Variants in PRPF8 observed in about 807,000 individuals in gnomAD.
The protein encoded by PRPF8 is pre-mRNA-processing-splicing factor 8.
Under a neutral mutation model 285.9 loss-of-function variants are expected in PRPF8, and 64 were observed. That is an observed-to-expected ratio of 0.22 (90% CI 0.18 to 0.28). PRPF8 has a LOEUF of 0.28. Among genes scored for constraint, PRPF8 ranks in the 10% least tolerant of loss-of-function variants. PRPF8 has a pLI of 1.00. For synonymous variants in PRPF8, 1,325 were observed against 1,118.2 expected (o/e 1.18, Z -3.69); for missense variants, 1,426 against 3,026.7 (o/e 0.47, Z 12.41).
rs56933295 is a variant in PRPF8 at position 1,657,296 on chromosome 17, T to C, written c.5506-535A>G. On this transcript the variant is annotated intron_variant, in intron 34 of 42. Transcript: ENST00000304992. ...GTCTAGGAAGCTAAAGAAGAGTTAA[T>C]TCAGCAAGAGTTGTGAGGTAGAGAA... Among the ~76,000 whole-genome samples the C allele has an allele frequency of 8.7e-3, 1,322 of 152,302 alleles. 12 individuals carry two copies. Among genetic ancestry groups the C allele is most frequent in the African/African-American group, 0.03 (1,253 of 41,560 alleles).
At chr17:1,680,120 C>A (rs140961304) in intron 8 of PRPF8, among the ~76,000 whole-genome samples, 2 of 152,114 alleles carry the variant, frequency 1.3e-5, no homozygotes, top group Non-Finnish European at 1.5e-5. Flanking sequence ...TTGGACACAA[C>A]GGAACACAGA....
At chr17:1,680,860 T>A (rs1281919874) in intron 7 of PRPF8, 29 bp from the exon 8 acceptor site, 1 of 1,614,012 alleles carries the variant, frequency 6.2e-7, no homozygotes, top group South Asian at 1.1e-5. Flanking sequence ...TCAGCCAAAG[T>A]TTTCCCGCCC....
chr17:1,661,560 A>C lies in PRPF8; in HGVS notation c.4202+51T>G, dbSNP rs750536624. ...TGACCCTGAACTCCACACGGTTCAA[A>C]GGCCACCACTGCCCCTGCCCCAGGG... On this transcript the variant is annotated intron_variant, in intron 26 of 42. Transcript: ENST00000304992. The surrounding 1 kb of genome is among the most constrained non-coding windows in gnomAD (Gnocchi z 7.3). 7 of 1,611,462 alleles carry C rather than the reference A, an allele frequency of 4.3e-6. No homozygotes were observed. Among genetic ancestry groups the C allele is most frequent in the African/African-American group, 1.3e-5 (1 of 75,010 alleles).
chr17:1,657,407 A>G (rs1024045908), intron 34 of PRPF8, among the ~76,000 whole-genome samples: 1 of 152,180 alleles, frequency 6.6e-6, no homozygotes, highest in African/African-American at 2.4e-5. Context: ...GCACTTTGAG[A>G]GGCCAAGGCG....
At position 1,659,007 on chromosome 17, in the gene PRPF8, A is replaced by ATTAT. The variant is rs1035815902; in HGVS notation, c.5139-248_5139-245dup. ...TATGGAGCTAATGGAAAATACACGG[A>ATTAT]TTATTTATTTATTTATTATTATTAT... On this transcript the variant is annotated intron_variant, in intron 32 of 42. Transcript: ENST00000304992. The surrounding 1 kb of genome is among the most constrained non-coding windows in gnomAD (Gnocchi z 5.1). The ATTAT allele has an allele frequency of 6.7e-6, 4 of 594,380 alleles. No individual in the cohort carries two copies. Among genetic ancestry groups the ATTAT allele is most frequent in the African/African-American group, 1.9e-5 (1 of 53,590 alleles). The allele number at this position is 594,380 out of a possible 1,614,324, so 36.8% of individuals were successfully genotyped here. A position where few individuals can be genotyped will look rare whatever the true frequency, so the allele number is the denominator to read the frequency against.
Position 1,684,595 on chromosome 17 carries a change from G to A in PRPF8, c.-11-13C>T, listed in dbSNP as rs1913136765. 6.2e-7 allele frequency: 1 copy of A among 1,611,036 alleles called. No individual in the cohort carries two copies. Among genetic ancestry groups the A allele is most frequent in the Non-Finnish European group, 8.5e-7 (1 of 1,178,998 alleles). On this transcript the variant is annotated splice_polypyrimidine_tract_variant and intron_variant, in intron 1 of 42. Transcript: ENST00000304992. ...ATATCCGGAGAATCTGGGGAGCGGC[G>A]GGATAGAAAAATTCACTAACCACAG... is the stretch of plus-strand genomic sequence containing the variant.
Position 1,675,750 on chromosome 17 carries a change from C to T in PRPF8, c.2742G>A (p.Leu914=). 6.2e-7 allele frequency: 1 copy of T among 1,614,122 alleles called. No individual in the cohort carries two copies. Among genetic ancestry groups the T allele is most frequent in the African/African-American group, 1.3e-5 (1 of 75,024 alleles). Residue 914 remains leucine, a synonymous_variant, in exon 19 of 43, where the codon CTG becomes CTA. Transcript: ENST00000304992. This position sits in a 1 kb window ranked among gnomAD's most constrained non-coding sequence, Gnocchi z 6.0. ...HLVPVYDVEP[L]EKITDAYLDQ... ...CCAGGTAAGCATCAGTTATCTTCTC[C>T]AGGGGCTCAACATCATATACTGGAA...
In PRPF8 at chr17:1,653,908, C is replaced by G; in HGVS notation, c.6096G>C (p.Gln2032His). Residue 2032 changes from glutamine (Q) to histidine (H), a missense_variant, in exon 38 of 43, where the codon CAG (glutamine) becomes CAC (histidine). By Grantham distance (24) the Gln-to-His change is conservative. This residue lies in a region of PRPF8 where 160 missense variants were observed against 373.7 expected (regional missense o/e 0.43). Coordinates refer to ENST00000304992, the MANE Select transcript of PRPF8 (RefSeq NM_006445.4). The surrounding 1 kb of genome is among the most constrained non-coding windows in gnomAD (Gnocchi z 4.9). ...QRQQIAEIEK[Q>H]TKEQSQLTAT... ...CCGTCAGCTGCGATTGTTCCTTGGT[C>G]TGCTTCTCGATCTCAGCGATCTGCT... The G allele has an allele frequency of 6.2e-7, 1 of 1,614,168 alleles. No homozygotes were observed. The highest frequency in any genetic ancestry group is 8.5e-7 in the Non-Finnish European group (1 of 1,180,038).
At position 1,675,401 on chromosome 17, in the gene PRPF8, A is replaced by G; in HGVS notation, c.2873-62T>C. The G allele has an allele frequency of 3.2e-6, 5 of 1,576,254 alleles. No individual in the cohort carries two copies. Among genetic ancestry groups the G allele is most frequent in the Non-Finnish European group, 4.4e-6 (5 of 1,147,362 alleles). ...AATCCTCTTGCAAGACTAGCCCCACAGGAACTATCATTACCTTCCATAACC... is the reference window on the plus strand; with the variant it reads ...AATCCTCTTGCAAGACTAGCCCCACGGGAACTATCATTACCTTCCATAACC... On this transcript the variant is annotated intron_variant, in intron 19 of 42. Coordinates refer to ENST00000304992, the MANE Select transcript of PRPF8 (RefSeq NM_006445.4). The surrounding 1 kb of genome is among the most constrained non-coding windows in gnomAD (Gnocchi z 6.0).
intron 36 of PRPF8, 24 bp from the exon 37 acceptor site, chr17:1,655,567 G>C: frequency 6.3e-7 from 1 of 1,578,384 alleles, no homozygotes; most frequent in South Asian, 1.1e-5. Flanking sequence ...TGGAAGAGTG[G>C]GGTAGGTCAG....
chr17:1,682,315 A>C (rs193032459), intron 3 of PRPF8, 22 bp from the exon 4 acceptor site: 30 of 1,612,948 alleles, frequency 1.9e-5, no homozygotes, highest in Admixed American at 1.0e-4. Flanking sequence ...GAAAAAGAGA[A>C]GGCTATCAGA....
rs766894608 is a variant in PRPF8 at position 1,650,777 on chromosome 17, G to A, written c.*25C>T. On this transcript the variant is annotated 3_prime_UTR_variant, in exon 43 of 43. Transcript: ENST00000304992. ...GGGGCTGAGGCTTCGGCCTCGGGAG[G>A]CTGAAGCAGGAGGCAGGGAAACGGT... is the stretch of plus-strand genomic sequence containing the variant. 3 of 1,613,196 alleles carry A rather than the reference G, an allele frequency of 1.9e-6. No homozygotes were observed. In the South Asian group the frequency reaches 3.3e-5, roughly 18 times the overall value.
Position 1,676,883 on chromosome 17 carries a change from T to C in PRPF8, c.2181+93A>G, listed in dbSNP as rs989905114. 27 of 1,527,794 alleles carry C rather than the reference T, an allele frequency of 1.8e-5. No individual in the cohort carries two copies. The highest frequency in any genetic ancestry group is 5.1e-5 in the Admixed American group (3 of 59,322). The allele number at this position is 1,527,794 out of a possible 1,614,324, so 94.6% of individuals were successfully genotyped here. ...TGTCTAAAAGGGAAAAGAAAAGAGA[T>C]TGGAGCCAGATAGCCCCCTAATGAT... On this transcript the variant is annotated intron_variant, in intron 15 of 42. Transcript: ENST00000304992. The surrounding 1 kb of genome is among the most constrained non-coding windows in gnomAD (Gnocchi z 6.3).
chr17:1,656,035 C>T, intron 36 of PRPF8, among the ~76,000 whole-genome samples: 1 of 151,514 alleles, frequency 6.6e-6, no homozygotes, highest in Non-Finnish European at 1.5e-5. Flanking sequence ...ATTCTGGTGC[C>T]TCAGCCTCCC....
chr17:1,656,262 T>C (rs1911380565), intron 36 of PRPF8, 130 bp downstream of exon 36: 1 of 1,218,588 alleles, frequency 8.2e-7, no homozygotes, highest in Non-Finnish European at 1.2e-6. Context: ...TAAACTCTCA[T>C]GAAAGTCAAC....
chr17:1,655,656 T>G (rs1911335217), intron 36 of PRPF8, 113 bp from the exon 37 acceptor site: 4 of 931,770 alleles, frequency 4.3e-6, no homozygotes, highest in Non-Finnish European at 6.8e-6. Flanking sequence ...AGACAGAGTC[T>G]TGCTCTGTCG....
chr17:1,681,739 C>G, intron 5 of PRPF8, 49 bp from the exon 6 acceptor site: 1 of 1,609,952 alleles, frequency 6.2e-7, no homozygotes, highest in Non-Finnish European at 8.5e-7. Flanking sequence ...TAGACAAACC[C>G]ATACCACCTA....
chr17:1,679,223 G>T lies in PRPF8; in HGVS notation c.1410-17C>A. On this transcript the variant is annotated splice_polypyrimidine_tract_variant and intron_variant, in intron 10 of 42. Coordinates refer to ENST00000304992, the MANE Select transcript of PRPF8 (RefSeq NM_006445.4). The surrounding 1 kb of genome is among the most constrained non-coding windows in gnomAD (Gnocchi z 4.7). ...AACAAATACCTGAGGTGGGAACATGGAGAGTAAGAGTCAGCCTACTGATAT... is the reference window on the plus strand; with the variant it reads ...AACAAATACCTGAGGTGGGAACATGTAGAGTAAGAGTCAGCCTACTGATAT... 1 of 1,614,232 alleles carries T rather than the reference G, an allele frequency of 6.2e-7. No individual in the cohort carries two copies. The highest frequency in any genetic ancestry group is 8.5e-7 in the Non-Finnish European group (1 of 1,180,044).
chr17:1,673,429 G>A lies in PRPF8; in HGVS notation c.3585C>T (p.Arg1195=). 1 of 1,614,160 alleles carries A rather than the reference G, an allele frequency of 6.2e-7. No homozygotes were observed. Among genetic ancestry groups the A allele is most frequent in the Non-Finnish European group, 8.5e-7 (1 of 1,180,022 alleles). The change falls in exon 23 of 43, where the codon CGC becomes CGT. Residue 1195 remains arginine (R), a synonymous_variant. Transcript: ENST00000304992. This position sits in a 1 kb window ranked among gnomAD's most constrained non-coding sequence, Gnocchi z 5.5. ...LLFNMCGFEC[R]ILPKCRTSYE... ...AGCTGGTGCGGCACTTAGGCAGGAT[G>A]CGGCACTCGAAGCCACACATGTTGA...
Sources: allele counts gnomAD v4.1 joint callset (sites outside exome capture counted in the v4.1 genomes callset), GRCh38; gene constraint gnomAD v4.1.1; regional missense constraint gnomAD v4.1.1; non-coding constraint Gnocchi (gnomAD v3.1); transcripts MANE v1.5; gene names NCBI Gene and HGNC (gene_info 2026-07-23, HGNC 2026-07-21).